Variants in KCNIP1 observed in about 807,000 individuals in gnomAD.
KCNIP1 encodes A-type potassium channel modulatory protein KCNIP1.
In KCNIP1, 18 loss-of-function variants were observed where a neutral mutation model predicts 33.0. The observed-to-expected ratio is 0.55, with a 90% CI of 0.38 to 0.81. KCNIP1 has a LOEUF of 0.81. Ranked by LOEUF, KCNIP1 falls within the 30% of genes least tolerant of loss-of-function variation. The pLI is 0.00. For missense variants in KCNIP1, 238 were observed against 271.6 expected (o/e 0.88, Z 0.87); for synonymous variants, 93 against 98.3 (o/e 0.95, Z 0.32).
chr5:170,380,031 ACTATGTTGG>A (rs995957276), intron 1 of KCNIP1, among the ~76,000 whole-genome samples: 1 of 152,192 alleles, frequency 6.6e-6, no homozygotes, highest in African/African-American at 2.4e-5. Flanking sequence ...CAGCAAACAA[ACTATGTTGG>A]CAAGCGGGTA....
At chr5:170,572,582 C>T (rs569807050) in intron 1 of KCNIP1, among the ~76,000 whole-genome samples, 6 of 152,344 alleles carry the variant, frequency 3.9e-5, no homozygotes, top group Middle Eastern at 3.4e-3. Flanking sequence ...TGTTTCCTCT[C>T]TGCCATAGGA....
intron 1 of KCNIP1, among the ~76,000 whole-genome samples, chr5:170,486,649 C>T (rs991083542): frequency 2.0e-5 from 3 of 152,234 alleles, no homozygotes; most frequent in Admixed American, 6.5e-5. Flanking sequence ...GGTGTGTGAG[C>T]CCCATACCCT....
At chr5:170,591,775 C>T (rs926223167) in intron 1 of KCNIP1, among the ~76,000 whole-genome samples, 3 of 152,220 alleles carry the variant, frequency 2.0e-5, no homozygotes, top group African/African-American at 7.2e-5. Flanking sequence ...GTCAGAATTT[C>T]CTTCCTTTGT....
intron 1 of KCNIP1, among the ~76,000 whole-genome samples, chr5:170,692,566 C>A (rs911215478): frequency 2.0e-5 from 3 of 152,340 alleles, no homozygotes; most frequent in African/African-American, 4.8e-5. Context: ...CATGCACTTA[C>A]TCCCTGTGTG....
At chr5:170,561,722 G>A (rs1757040783) in intron 1 of KCNIP1, among the ~76,000 whole-genome samples, 1 of 152,228 alleles carries the variant, frequency 6.6e-6, no homozygotes, top group Admixed American at 6.5e-5. Flanking sequence ...ACACAAGGTA[G>A]TCTATTCAGT....
intron 1 of KCNIP1, among the ~76,000 whole-genome samples, chr5:170,579,044 G>T (rs2113511452): frequency 6.6e-6 from 1 of 152,320 alleles, no homozygotes; most frequent in African/African-American, 2.4e-5. Flanking sequence ...CTGTAATGCT[G>T]TGTAACAAAC....
chr5:170,648,573 G>T (rs1418496042), intron 1 of KCNIP1, among the ~76,000 whole-genome samples: 1 of 152,186 alleles, frequency 6.6e-6, no homozygotes, highest in Non-Finnish European at 1.5e-5. Flanking sequence ...AAACTATGGG[G>T]ACAGTAAAAA....
At chr5:170,408,853 C>T (rs983614481) in intron 1 of KCNIP1, among the ~76,000 whole-genome samples, 6 of 152,020 alleles carry the variant, frequency 3.9e-5, no homozygotes, top group African/African-American at 1.4e-4. Flanking sequence ...GGTCTTTTTG[C>T]GTGGGTATTT....
intron 1 of KCNIP1, among the ~76,000 whole-genome samples, chr5:170,686,988 C>A (rs1031405912): frequency 6.6e-6 from 1 of 152,014 alleles, no homozygotes; most frequent in Non-Finnish European, 1.5e-5. Context: ...CGGTACTCCT[C>A]CTGGGATGTC....
At chr5:170,733,981 G>A (rs1021542760) in intron 7 of KCNIP1, 83 bp downstream of exon 7, 6 of 1,130,160 alleles carry the variant, frequency 5.3e-6, no homozygotes, top group South Asian at 1.3e-5. Flanking sequence ...GGAAGGTGAT[G>A]AGAAACCTGC....
intron 1 of KCNIP1, among the ~76,000 whole-genome samples, chr5:170,586,142 A>T (rs1757981617): frequency 6.6e-6 from 1 of 152,204 alleles, no homozygotes; most frequent in African/African-American, 2.4e-5. Context: ...TGTGATTATG[A>T]GTGTAAAGAG....
intron 1 of KCNIP1, among the ~76,000 whole-genome samples, chr5:170,571,420 G>C (rs1757404949): frequency 6.6e-6 from 1 of 152,188 alleles, no homozygotes; most frequent in Non-Finnish European, 1.5e-5. Flanking sequence ...TCTTGCCTGT[G>C]CGCAGGCTTT....
intron 5 of KCNIP1, among the ~76,000 whole-genome samples, chr5:170,725,993 T>C (rs990121938): frequency 6.6e-5 from 10 of 152,142 alleles, no homozygotes; most frequent in African/African-American, 1.2e-4. Flanking sequence ...GAATGGATTA[T>C]AGACTTAAAT....
intron 1 of KCNIP1, among the ~76,000 whole-genome samples, chr5:170,464,698 A>G (rs1756573554): frequency 6.6e-6 from 1 of 152,124 alleles, no homozygotes; most frequent in Non-Finnish European, 1.5e-5. Context: ...CCCTAAGTAT[A>G]AAGACATTGC....
chr5:170,712,734 C>T (rs1002131787), intron 1 of KCNIP1: 80 of 905,380 alleles, frequency 8.8e-5, no homozygotes, highest in Non-Finnish European at 1.1e-4. Context: ...AGAGGCTCTT[C>T]GCATATGTCA....
At chr5:170,544,818 C>T (rs1249554613) in intron 1 of KCNIP1, among the ~76,000 whole-genome samples, 2 of 152,094 alleles carry the variant, frequency 1.3e-5, no homozygotes, top group African/African-American at 2.4e-5. Flanking sequence ...AAGAACTTTA[C>T]AACAGTTAAA....
intron 1 of KCNIP1, among the ~76,000 whole-genome samples, chr5:170,596,300 A>G (rs1388138881): frequency 6.6e-6 from 1 of 152,206 alleles, no homozygotes; most frequent in African/African-American, 2.4e-5. Context: ...CATCACACCC[A>G]TAGTATCAAC....
At position 170,357,132 on chromosome 5, in the gene KCNIP1, TA is replaced by T. The variant is rs60983905; in HGVS notation, c.88+3182del. 7.7e-3 allele frequency among the ~76,000 whole-genome samples: 1,123 copies of T among 146,400 alleles called. 8 individuals are homozygous for T. Among genetic ancestry groups the T allele is most frequent in the African/African-American group, 0.017 (689 of 40,020 alleles). On this transcript the variant is annotated intron_variant, in intron 1 of 7. Coordinates refer to the KCNIP1 transcript ENST00000377360. ...CACATTTAAAGAATCTCTTTGGCAT[TA>T]AAAAAAAAAAAAATTTCAAACCACG...
intron 1 of KCNIP1, among the ~76,000 whole-genome samples, chr5:170,530,336 C>T (rs1329518182): frequency 6.6e-6 from 1 of 152,192 alleles, no homozygotes; most frequent in Non-Finnish European, 1.5e-5. Context: ...ATAATAGAGG[C>T]TTTGCGTAAC....
Sources: allele counts gnomAD v4.1 joint callset (sites outside exome capture counted in the v4.1 genomes callset), GRCh38; gene constraint gnomAD v4.1.1; transcripts MANE v1.5; gene names NCBI Gene and HGNC (gene_info 2026-07-23, HGNC 2026-07-21).